SLC6A8: variants seen among roughly 807,000 people sequenced by gnomAD.
SLC6A8 encodes the protein sodium- and chloride-dependent creatine transporter 1.
A neutral mutation model predicts 48.3 loss-of-function variants in SLC6A8; 6 were observed. That is an observed-to-expected ratio of 0.12 (90% CI 0.07 to 0.25). The LOEUF is 0.25. Ranked by LOEUF, SLC6A8 falls within the 10% of genes least tolerant of loss-of-function variation. SLC6A8 has a pLI of 1.00. For missense variants in SLC6A8, 260 were observed against 551.5 expected (o/e 0.47, Z 5.29); for synonymous variants, 245 against 244.0 (o/e 1.00, Z -0.04).
Position 153,694,465 on chromosome X carries a change from C to T in SLC6A8, c.1495+19C>T, listed in dbSNP as rs1284437374. 4 of 1,194,284 alleles carry T rather than the reference C, an allele frequency of 3.3e-6. No homozygotes were observed. The highest frequency in any genetic ancestry group is 4.5e-6 in the Non-Finnish European group (4 of 881,061). ...GTGTACGGTAGGTCATGGCTGAGGGCTGGGCTGGGGGATGGTGGCGGGGAA... is the reference window on the plus strand; with the variant it reads ...GTGTACGGTAGGTCATGGCTGAGGGTTGGGCTGGGGGATGGTGGCGGGGAA... On this transcript the variant is annotated intron_variant, in intron 10 of 12. Transcript: ENST00000253122.
chrX:153,696,130 G>A lies in SLC6A8; in HGVS notation c.*916G>A. The A allele has an allele frequency of 4.3e-6, 1 of 232,616 alleles. No homozygotes were observed. The highest frequency in any genetic ancestry group is 8.1e-6 in the Non-Finnish European group (1 of 123,691). 19.2% of individuals were successfully genotyped at this position (232,616 alleles called of 1,213,427 possible). ...GAGCTGTTGCGTGTGTGAGTCTGTTGTGTGGATGTGCGTGTGTGGTCCCCA... is the reference window on the plus strand; with the variant it reads ...GAGCTGTTGCGTGTGTGAGTCTGTTATGTGGATGTGCGTGTGTGGTCCCCA... On this transcript the variant is annotated 3_prime_UTR_variant, in exon 13 of 13. Transcript: ENST00000253122.
chrX:153,691,691 G>C, intron 3 of SLC6A8, 138 bp downstream of exon 3: 1 of 842,562 alleles, frequency 1.2e-6, no homozygotes, highest in Non-Finnish European at 1.8e-6. Flanking sequence ...GCCCTTGCCT[G>C]TCCTCGGAGA....
rs782632648 is a variant in SLC6A8, at chrX:153,696,413, C to A, written c.*1199C>A. Reference sequence around the variant, plus strand: ...TCTTCTGTGTAGCAGCTTTAACCCACGTTTGTCTGTCACGTCCAGTCCCGA... The same window carrying A: ...TCTTCTGTGTAGCAGCTTTAACCCAAGTTTGTCTGTCACGTCCAGTCCCGA... On this transcript the variant is annotated 3_prime_UTR_variant, in exon 13 of 13. Transcript: ENST00000253122. The A allele has an allele frequency of 3.0e-6, 1 of 330,331 alleles. No homozygotes were observed. Among genetic ancestry groups the A allele is most frequent in the Non-Finnish European group, 5.9e-6 (1 of 169,860 alleles). 27.2% of individuals were successfully genotyped at this position (330,331 alleles called of 1,213,427 possible).
intron 1 of SLC6A8, 91 bp downstream of exon 1, chrX:153,688,927 G>A (rs2091438987): frequency 4.4e-6 from 2 of 456,423 alleles, no homozygotes; most frequent in African/African-American, 5.3e-5. Context: ...GTGAAGTCCG[G>A]GCAACGGGTG....
chrX:153,696,195 G>C lies in SLC6A8; in HGVS notation c.*981G>C. The stretch of plus-strand genomic sequence containing the variant: ...TGGAAAAGTGCATGGTGGGGGCCTC[G>C]GGGCTGTCCCCACGCTGTCCCTTTG... On this transcript the variant is annotated 3_prime_UTR_variant, in exon 13 of 13. Transcript: ENST00000253122. 1 of 254,128 alleles carries C rather than the reference G, an allele frequency of 3.9e-6. No homozygotes were observed. Among genetic ancestry groups the C allele is most frequent in the South Asian group, 3.8e-5 (1 of 26,493 alleles). The allele number at this position is 254,128 out of a possible 1,213,427, so 20.9% of individuals were successfully genotyped here.
chrX:153,694,800 A>C lies in SLC6A8; in HGVS notation c.1678A>C (p.Met560Leu). ...CGTGTACCCGTGGTGGGGTGAGGCC[A>C]TGGGCTGGGCCTTCGCCCTGTCCTC... is the stretch of plus-strand genomic sequence containing the variant. ...TYVYPWWGEA[M>L]GWAFALSSML... The change falls in exon 12 of 13, where the codon ATG becomes CTG. Residue 560 changes from methionine to leucine, a missense_variant. Physicochemically the swap from Met to Leu is conservative, Grantham distance 15 (BLOSUM62 2). Coordinates refer to ENST00000253122, the MANE Select transcript of SLC6A8 (RefSeq NM_005629.4). 1 of 1,210,240 alleles carries C rather than the reference A, an allele frequency of 8.3e-7. No homozygotes were observed.
Position 153,696,488 on chromosome X carries a change from T to C in SLC6A8, c.*1274T>C. ...GCTTCCCCGACACCCAGACAGAGGCTGCAGGGCTGGGGCTGGGTGAGGGTG... is the reference window on the plus strand; with the variant it reads ...GCTTCCCCGACACCCAGACAGAGGCCGCAGGGCTGGGGCTGGGTGAGGGTG... On this transcript the variant is annotated 3_prime_UTR_variant, in exon 13 of 13. Coordinates refer to ENST00000253122, the MANE Select transcript of SLC6A8 (RefSeq NM_005629.4). The C allele has an allele frequency of 3.0e-6, 1 of 331,555 alleles. No homozygotes were observed. The highest frequency in any genetic ancestry group is 2.6e-5 in the South Asian group (1 of 38,544). 27.3% of individuals were successfully genotyped at this position (331,555 alleles called of 1,213,427 possible).
rs2091469751 is a variant in SLC6A8 at position 153,693,589 on chromosome X, A to T, written c.1141+3A>T. On this transcript the variant is annotated splice_donor_region_variant and intron_variant, in intron 7 of 12. Coordinates refer to ENST00000253122, the MANE Select transcript of SLC6A8 (RefSeq NM_005629.4). ...CATCTCCAAGGTGGCAGAGTCAGGT[A>T]GGGCCCTACCCCCAGCCCCGCCTCC... 8.3e-7 allele frequency: 1 copy of T among 1,208,462 alleles called. No homozygotes were observed. The highest frequency in any genetic ancestry group is 1.1e-6 in the Non-Finnish European group (1 of 893,951).
chrX:153,689,042 G>T lies in SLC6A8; in HGVS notation c.262+206G>T, dbSNP rs555581878. 139 of 129,623 alleles carry T rather than the reference G, an allele frequency of 1.1e-3. 1 individual carries two copies. The South Asian group carries it at 0.046, about 43-fold the overall frequency. The allele number at this position is 129,623 out of a possible 1,213,427, so 10.7% of individuals were successfully genotyped here. A position where few individuals can be genotyped will look rare whatever the true frequency, so the allele number is the denominator to read the frequency against. Reference sequence around the variant, plus strand: ...CTCGCAGTCATGTGCCTGGCATGGTGGGGGGAGGGGGCCGGCGATGCCCGC... The same window carrying T: ...CTCGCAGTCATGTGCCTGGCATGGTTGGGGGAGGGGGCCGGCGATGCCCGC... On this transcript the variant is annotated intron_variant, in intron 1 of 12. Coordinates refer to ENST00000253122, the MANE Select transcript of SLC6A8 (RefSeq NM_005629.4).
rs2148358582 is a variant in SLC6A8, at chrX:153,688,760, C to T, written c.186C>T (p.Ile62=). The change falls in exon 1 of 13, where the codon ATC becomes ATT. Residue 62 remains isoleucine (I), a synonymous_variant. Transcript: ENST00000253122. ...RETWTRQMDF[I]MSCVGFAVGL... ...CCTGGACGCGCCAGATGGACTTCAT[C>T]ATGTCGTGCGTGGGCTTCGCCGTGG... 2 of 1,139,872 alleles carry T rather than the reference C, an allele frequency of 1.8e-6. No individual in the cohort carries two copies. Among genetic ancestry groups the T allele is most frequent in the Non-Finnish European group, 1.2e-6 (1 of 857,093 alleles). The allele number at this position is 1,139,872 out of a possible 1,213,427, so 93.9% of individuals were successfully genotyped here.
At position 153,694,838 on chromosome X, in the gene SLC6A8, G is replaced by A; in HGVS notation, c.1716G>A (p.Val572=). The part of the protein sequence containing the change: ...WAFALSSMLC[V]PLHLLGCLLR... ...TCGCCCTGTCCTCCATGCTGTGCGT[G>A]CCGCTGCACCTCCTGGGCTGCCTCC... The change falls in exon 12 of 13, where the codon GTG becomes GTA. Residue 572 remains valine, a synonymous_variant. Transcript: ENST00000253122. The A allele has an allele frequency of 8.3e-7, 1 of 1,208,712 alleles. No homozygotes were observed. Among genetic ancestry groups the A allele is most frequent in the Non-Finnish European group, 1.1e-6 (1 of 894,231 alleles).
At position 153,692,780 on chromosome X, in the gene SLC6A8, G is replaced by C. The variant is rs5987132; in HGVS notation, c.778-261G>C. ...GCTCCACGCCTCCTGTCCCCACTGA[G>C]GAGAGCTCCCAGAGGCTCGCCTGCT... On this transcript the variant is annotated intron_variant, in intron 4 of 12. Transcript: ENST00000253122. 893 of 461,509 alleles carry C rather than the reference G, an allele frequency of 1.9e-3. 8 individuals are homozygous for C. Among genetic ancestry groups the C allele is most frequent in the African/African-American group, 0.019 (796 of 42,282 alleles). 38.0% of individuals were successfully genotyped at this position (461,509 alleles called of 1,213,427 possible).
At chrX:153,690,787 C>T in intron 2 of SLC6A8, 2 of 349,359 alleles carry the variant, frequency 5.7e-6, no homozygotes, top group Non-Finnish European at 1.0e-5. Context: ...GTAGGTCCTA[C>T]TGTTACTATC....
In SLC6A8 at chrX:153,693,083, G is replaced by A. The variant is rs782208622; in HGVS notation, c.820G>A (p.Val274Met). ...TATFPYVVLV[V>M]LLVRGVLLPG... ...TACATTCCCCTACGTGGTCCTGGTCGTGCTGCTGGTGCGTGGAGTGCTGCT... is the reference window on the plus strand; with the variant it reads ...TACATTCCCCTACGTGGTCCTGGTCATGCTGCTGGTGCGTGGAGTGCTGCT... Residue 274 changes from valine (V) to methionine (M), a missense_variant, in exon 5 of 13, where the codon GTG (valine) becomes ATG (methionine). Physicochemically the swap from Val to Met is conservative, Grantham distance 21. Around this residue, in one of 7 missense-constraint regions of SLC6A8, gnomAD observed 75 missense variants for 248.8 expected, o/e 0.30. Transcript: ENST00000253122. The A allele has an allele frequency of 9.3e-5, 113 of 1,209,158 alleles. No homozygotes were observed. Among genetic ancestry groups the A allele is most frequent in the South Asian group, 2.1e-4 (12 of 56,833 alleles).
intron 1 of SLC6A8, among the ~76,000 whole-genome samples, chrX:153,689,293 C>T (rs2091441824): frequency 1.4e-5 from 1 of 70,529 alleles, no homozygotes; most frequent in Non-Finnish European, 2.3e-5. Context: ...CCCCTCGCGG[C>T]CCTCCCGCCC....
intron 2 of SLC6A8, chrX:153,690,903 C>CG (rs1557044338): frequency 0.014 from 3,266 of 225,592 alleles, 17 homozygotes; most frequent in South Asian, 0.019. Context: ...CCCCCCCCCC[C>CG]CACCACCACC....
intron 1 of SLC6A8, 106 bp from the exon 2 acceptor site, chrX:153,690,269 C>G (rs1464229393): frequency 1.1e-6 from 1 of 895,836 alleles, no homozygotes. Flanking sequence ...CACTGACTCA[C>G]CCAGTCGGAA....
Position 153,693,780 on chromosome X carries a change from G to A in SLC6A8, c.1142-125G>A, listed in dbSNP as rs1329573270. 8 of 802,257 alleles carry A rather than the reference G, an allele frequency of 1.0e-5. No homozygotes were observed. The Admixed American group carries it at 1.3e-4, about 13-fold the overall frequency. The allele number at this position is 802,257 out of a possible 1,213,427, so 66.1% of individuals were successfully genotyped here. A position where few individuals can be genotyped will look rare whatever the true frequency, so the allele number is the denominator to read the frequency against. ...AAGGACCTCCCAGCCCCTGCCGCAC[G>A]ACCCAGGGTTGACAGCGCCTCTGAG... On this transcript the variant is annotated intron_variant, in intron 7 of 12. Transcript: ENST00000253122.
In SLC6A8 at chrX:153,696,447, A is replaced by G; in HGVS notation, c.*1233A>G. 3 of 331,613 alleles carry G rather than the reference A, an allele frequency of 9.0e-6. No individual in the cohort carries two copies. Among genetic ancestry groups the G allele is most frequent in the Non-Finnish European group, 1.8e-5 (3 of 170,061 alleles). 27.3% of individuals were successfully genotyped at this position (331,613 alleles called of 1,213,427 possible). On this transcript the variant is annotated 3_prime_UTR_variant, in exon 13 of 13. Transcript: ENST00000253122. ...GTCACGTCCAGTCCCGAGACGGCTG[A>G]GTGACCCCAAGAAAGGCTTCCCCGA...
Sources: gnomAD v4.1 joint callset for allele counts (sites outside exome capture counted in the v4.1 genomes callset) on GRCh38, gnomAD v4.1.1 for gene constraint, gnomAD v4.1.1 regional missense constraint, MANE v1.5 for transcripts, NCBI Gene and HGNC (gene_info 2026-07-23, HGNC 2026-07-21) for gene names.